PRKG1: variants seen among roughly 807,000 people sequenced by gnomAD.
The protein encoded by PRKG1 is cGMP-dependent protein kinase 1.
A neutral mutation model predicts 88.1 loss-of-function variants in PRKG1; 35 were observed. That is an observed-to-expected ratio of 0.40 (90% CI 0.30 to 0.53). PRKG1 has a LOEUF of 0.53. Among genes scored for constraint, PRKG1 ranks in the 20% least tolerant of loss-of-function variants. The pLI is 0.59. For synonymous variants in PRKG1, 303 were observed against 292.5 expected, an observed-to-expected ratio of 1.04 and a Z score of -0.37; for missense variants, 540 against 839.8, an observed-to-expected ratio of 0.64 and a Z score of 4.41.
chr10:52,292,750 G>T (rs1272480843), intron 17 of PRKG1, among the ~76,000 whole-genome samples: 1 of 151,904 alleles, frequency 6.6e-6, no homozygotes, highest in Admixed American at 6.6e-5. Context: ...AGGTATTGAT[G>T]GGACATATCT....
chr10:51,531,025 G>A (rs116383492), intron 3 of PRKG1, among the ~76,000 whole-genome samples: 4 of 151,870 alleles, frequency 2.6e-5, no homozygotes, highest in Non-Finnish European at 5.9e-5. Flanking sequence ...ATGGAATGGG[G>A]GTAAGAAGAA....
chr10:52,076,622 A>T (rs1652961356), intron 7 of PRKG1, among the ~76,000 whole-genome samples: 1 of 152,218 alleles, frequency 6.6e-6, no homozygotes, highest in South Asian at 2.1e-4. Flanking sequence ...TTTGACAAAC[A>T]CTATTTAAAG....
intron 3 of PRKG1, chr10:51,697,460 C>T: frequency 1.9e-6 from 1 of 527,580 alleles, no homozygotes; most frequent in Non-Finnish European, 3.3e-6. Flanking sequence ...ATAATATAAT[C>T]ATGTTCAGAG....
intron 2 of PRKG1, among the ~76,000 whole-genome samples, chr10:51,282,536 T>A (rs758678223): frequency 6.6e-6 from 1 of 152,150 alleles, no homozygotes; most frequent in Non-Finnish European, 1.5e-5. Context: ...AGCAAACAAC[T>A]GGAGACAAAA....
intron 7 of PRKG1, among the ~76,000 whole-genome samples, chr10:52,080,478 AT>A (rs938778950): frequency 6.6e-6 from 1 of 151,996 alleles, no homozygotes; most frequent in South Asian, 2.1e-4. Flanking sequence ...AGATGGTAAT[AT>A]TTTTTTCTCC....
chr10:51,325,777 G>A (rs976446592), intron 2 of PRKG1, among the ~76,000 whole-genome samples: 2 of 152,076 alleles, frequency 1.3e-5, no homozygotes, highest in African/African-American at 2.4e-5. Context: ...GCTGGGAGAC[G>A]CAAGCCTCTC....
At position 50,997,196 on chromosome 10, in the gene PRKG1, A is replaced by G. The variant is rs996236964; in HGVS notation, c.266+5552A>G. ...GTTTGTTTTTTTATTTTGCATCGGT[A>G]CCAGAGTTGGTGAATTGAGGTCTTC... On this transcript the variant is annotated intron_variant, in intron 1 of 17. Transcript: ENST00000401604. 6.6e-5 allele frequency among the ~76,000 whole-genome samples: 10 copies of G among 152,314 alleles called. No individual in the cohort carries two copies. In the East Asian group the frequency reaches 1.7e-3, roughly 26 times the overall value.
chr10:51,164,557 T>C (rs561576396), intron 2 of PRKG1, among the ~76,000 whole-genome samples: 91 of 152,326 alleles, frequency 6.0e-4, no homozygotes, highest in Middle Eastern at 3.4e-3. Flanking sequence ...AGAATGACTT[T>C]CACGAGTTGA....
Position 51,267,510 on chromosome 10 carries a change from T to A in PRKG1, c.478+114180T>A, listed in dbSNP as rs1047938926. 2.0e-5 allele frequency among the ~76,000 whole-genome samples: 3 copies of A among 152,180 alleles called. No individual in the cohort carries two copies. The South Asian group carries it at 6.2e-4, about 31-fold the overall frequency. On this transcript the variant is annotated intron_variant, in intron 2 of 17. Transcript: ENST00000373980. ...GCTCTTCTTTGACGGTTTATTTCTA[T>A]CAGATAATTTCATATACTAAGCTGG...
intron 5 of PRKG1, among the ~76,000 whole-genome samples, chr10:51,991,547 C>G (rs1271088540): frequency 1.3e-5 from 2 of 152,138 alleles, no homozygotes; most frequent in Non-Finnish European, 2.9e-5. Flanking sequence ...CAGCCCATGA[C>G]AGGCCCTGGT....
At chr10:51,296,286 G>T (rs930631752) in intron 2 of PRKG1, among the ~76,000 whole-genome samples, 1 of 152,114 alleles carries the variant, frequency 6.6e-6, no homozygotes, top group African/African-American at 2.4e-5. Context: ...GAATTCACCA[G>T]ATGAGAAGTC....
chr10:52,233,949 G>A (rs915410455), intron 9 of PRKG1, among the ~76,000 whole-genome samples: 3 of 152,052 alleles, frequency 2.0e-5, no homozygotes, highest in Non-Finnish European at 4.4e-5. Context: ...GGTTCTCCCA[G>A]CACGCAGCTG....
At chr10:51,981,302 A>C (rs2133109547) in intron 5 of PRKG1, among the ~76,000 whole-genome samples, 1 of 152,238 alleles carries the variant, frequency 6.6e-6, no homozygotes, top group Non-Finnish European at 1.5e-5. Context: ...AGAATGTCAA[A>C]TGGCTAGGCG....
At chr10:52,149,609 G>A (rs897599943) in intron 8 of PRKG1, among the ~76,000 whole-genome samples, 2 of 151,992 alleles carry the variant, frequency 1.3e-5, no homozygotes, top group South Asian at 4.2e-4. Flanking sequence ...GATGCCGTGA[G>A]TAGGGGCCTG....
intron 3 of PRKG1, among the ~76,000 whole-genome samples, chr10:51,715,814 G>T (rs66734649): frequency 0.11 from 17,215 of 152,174 alleles, 1,170 homozygotes; most frequent in African/African-American, 0.19. Flanking sequence ...AGAAAACTTA[G>T]ATGTGTATTA....
Position 51,247,963 on chromosome 10 carries a change from G to T in PRKG1, c.478+94633G>T, listed in dbSNP as rs1463919977. Among the ~76,000 whole-genome samples the T allele has an allele frequency of 4.0e-5, 6 of 151,846 alleles. No individual in the cohort carries two copies. The Admixed American group carries it at 4.0e-4, about 10-fold the overall frequency. ...TGTAATCTTCAGTTTGTGTCTGCCT[G>T]CTTACATTGCTATAACTTGAATTAC... On this transcript the variant is annotated intron_variant, in intron 2 of 17. Transcript: ENST00000373980.
rs1414077990 is a variant in PRKG1, at chr10:51,656,367, C to T, written c.593-148218C>T. 7.2e-5 allele frequency among the ~76,000 whole-genome samples: 11 copies of T among 152,178 alleles called. No individual in the cohort carries two copies. In the East Asian group the frequency reaches 1.9e-3, roughly 27 times the overall value. ...CTAGTTTTGATCACACTTGGTCGTG[C>T]TCTCTGACGTCCCCAATATGTGCAC... On this transcript the variant is annotated intron_variant, in intron 3 of 17. Coordinates refer to ENST00000373980, the MANE Select transcript of PRKG1 (RefSeq NM_006258.4).
chr10:51,019,305 G>A (rs1843104594), intron 1 of PRKG1, among the ~76,000 whole-genome samples: 1 of 152,130 alleles, frequency 6.6e-6, no homozygotes, highest in Non-Finnish European at 1.5e-5. Flanking sequence ...CAGACATATA[G>A]TCTGATAGAA....
At chr10:51,176,033 A>T (rs1172620137) in intron 2 of PRKG1, among the ~76,000 whole-genome samples, 1 of 152,162 alleles carries the variant, frequency 6.6e-6, no homozygotes, top group Non-Finnish European at 1.5e-5. Context: ...CTGGAAGGAA[A>T]AAGGACAAGA....
Sources: allele counts gnomAD v4.1 joint callset (sites outside exome capture counted in the v4.1 genomes callset), GRCh38; gene constraint gnomAD v4.1.1; transcripts MANE v1.5; gene names NCBI Gene and HGNC (gene_info 2026-07-23, HGNC 2026-07-21).